Variants in KAZN observed in about 807,000 individuals in gnomAD.
KAZN encodes kazrin, periplakin interacting protein.
KAZN carries 40 observed loss-of-function variants against 87.4 expected under a neutral mutation model. That is an observed-to-expected ratio of 0.46 (90% confidence interval 0.36 to 0.60). KAZN has a LOEUF of 0.60. KAZN is among the 20% of genes least tolerant of loss of function. The pLI is 0.00. For missense variants in KAZN, 898 were observed against 1,073.9 expected, an observed-to-expected ratio of 0.84 and a Z score of 2.29; for synonymous variants, 466 against 458.3, an observed-to-expected ratio of 1.02 and a Z score of -0.22.
At chr1:14,117,102 AT>A (rs1218130076) in intron 1 of KAZN, among the ~76,000 whole-genome samples, 1 of 152,118 alleles carries the variant, frequency 6.6e-6, no homozygotes, top group Admixed American at 6.5e-5. Context: ...CGGACTGTGG[AT>A]TTTTAGTTAA....
At chr1:13,922,765 T>C (rs1241389250) in intron 1 of KAZN, among the ~76,000 whole-genome samples, 1 of 152,096 alleles carries the variant, frequency 6.6e-6, no homozygotes, top group Admixed American at 6.6e-5. Context: ...AGCTTTAGAG[T>C]CAGTGGTGGG....
chr1:13,924,224 A>T (rs1466962948), intron 1 of KAZN, among the ~76,000 whole-genome samples: 1 of 152,222 alleles, frequency 6.6e-6, no homozygotes, highest in African/African-American at 2.4e-5. Context: ...ATGTAAATGA[A>T]GGCTAAAAAC....
chr1:14,976,085 C>A (rs1421645291), intron 2 of KAZN, among the ~76,000 whole-genome samples: 2 of 151,646 alleles, frequency 1.3e-5, no homozygotes, highest in South Asian at 4.2e-4. Context: ...CTCAGACCTG[C>A]GCGGTGAGCC....
chr1:13,904,097 A>G (rs925631704), intron 1 of KAZN, among the ~76,000 whole-genome samples: 1 of 152,202 alleles, frequency 6.6e-6, no homozygotes, highest in Non-Finnish European at 1.5e-5. Context: ...ATCAGTGCTT[A>G]ACATGGAGCA....
At chr1:14,506,606 T>C (rs982308050) in intron 2 of KAZN, among the ~76,000 whole-genome samples, 7 of 152,194 alleles carry the variant, frequency 4.6e-5, no homozygotes, top group Non-Finnish European at 8.8e-5. Context: ...ATTATATTTA[T>C]CTGGGTGGCT....
At chr1:14,517,926 T>C (rs948757189) in intron 2 of KAZN, among the ~76,000 whole-genome samples, 4 of 152,108 alleles carry the variant, frequency 2.6e-5, no homozygotes, top group Admixed American at 2.6e-4. Context: ...CTGGGAACAA[T>C]GAGAAGGAAA....
intron 1 of KAZN, among the ~76,000 whole-genome samples, chr1:14,937,728 G>C (rs1308063427): frequency 6.6e-6 from 1 of 152,240 alleles, no homozygotes; most frequent in East Asian, 1.9e-4. Context: ...ACAGCAGCTG[G>C]TGTTTTGGGT....
chr1:14,456,222 C>A (rs1417504411), intron 2 of KAZN, among the ~76,000 whole-genome samples: 1 of 152,236 alleles, frequency 6.6e-6, no homozygotes, highest in Non-Finnish European at 1.5e-5. Context: ...TTATCTGACA[C>A]TTTCTGAGCA....
intron 1 of KAZN, among the ~76,000 whole-genome samples, chr1:14,040,258 A>C (rs1641757615): frequency 6.6e-6 from 1 of 152,132 alleles, no homozygotes; most frequent in African/African-American, 2.4e-5. Context: ...TTTCAGTTTG[A>C]AAACAGCTGA....
At chr1:13,980,694 C>T (rs1638618224) in intron 1 of KAZN, among the ~76,000 whole-genome samples, 2 of 152,076 alleles carry the variant, frequency 1.3e-5, no homozygotes, top group African/African-American at 4.8e-5. Context: ...AGATACTTCT[C>T]TCTGTAATCG....
At chr1:14,684,432 G>C (rs759155744) in intron 1 of KAZN, among the ~76,000 whole-genome samples, 2 of 152,168 alleles carry the variant, frequency 1.3e-5, no homozygotes, top group Non-Finnish European at 2.9e-5. Flanking sequence ...CATGATGCAA[G>C]GGTTGGTTGG....
intron 1 of KAZN, among the ~76,000 whole-genome samples, chr1:14,789,467 C>T (rs1645607710): frequency 6.6e-6 from 1 of 152,144 alleles, no homozygotes; most frequent in African/African-American, 2.4e-5. Context: ...GTGGCTGAAC[C>T]TTTGCTCCTC....
At chr1:14,144,585 G>A (rs771454302) in intron 1 of KAZN, among the ~76,000 whole-genome samples, 1 of 151,958 alleles carries the variant, frequency 6.6e-6, no homozygotes, top group Non-Finnish European at 1.5e-5. Context: ...TACCACACCC[G>A]GCCTTGTCTT....
At chr1:14,822,724 G>T (rs1326629663) in intron 1 of KAZN, among the ~76,000 whole-genome samples, 1 of 152,216 alleles carries the variant, frequency 6.6e-6, no homozygotes, top group Non-Finnish European at 1.5e-5. Context: ...GCTCCGTCGT[G>T]TTCCGGCATC....
At chr1:14,096,654 A>T (rs1644135442) in intron 1 of KAZN, among the ~76,000 whole-genome samples, 1 of 152,190 alleles carries the variant, frequency 6.6e-6, no homozygotes, top group Admixed American at 6.5e-5. Flanking sequence ...CAACCCTCAG[A>T]ATATAGGAGA....
intron 2 of KAZN, among the ~76,000 whole-genome samples, chr1:15,003,004 GTACACACA>G (rs1557705272): frequency 8.7e-6 from 1 of 114,968 alleles, no homozygotes; most frequent in Non-Finnish European, 1.8e-5. Flanking sequence ...AAAAATAAAC[GTACACACA>G]CACACACACA....
intron 1 of KAZN, among the ~76,000 whole-genome samples, chr1:14,010,919 G>A (rs1248589797): frequency 2.0e-5 from 3 of 152,176 alleles, no homozygotes; most frequent in African/African-American, 7.2e-5. Flanking sequence ...AAACTACCCT[G>A]TGATTCTCAC....
intron 1 of KAZN, among the ~76,000 whole-genome samples, chr1:14,164,685 C>T (rs527269418): frequency 1.4e-4 from 22 of 152,010 alleles, no homozygotes; most frequent in Admixed American, 9.2e-4. Flanking sequence ...GGATTATAGG[C>T]ATGCACCACC....
intron 1 of KAZN, among the ~76,000 whole-genome samples, chr1:14,069,930 G>A (rs914628491): frequency 1.3e-5 from 2 of 151,924 alleles, no homozygotes; most frequent in Non-Finnish European, 1.5e-5. Context: ...CAGCACTTTG[G>A]GAGGCTGAGG....
Sources: gnomAD v4.1 joint callset for allele counts (sites outside exome capture counted in the v4.1 genomes callset) on GRCh38, gnomAD v4.1.1 for gene constraint, MANE v1.5 for transcripts, NCBI Gene and HGNC (gene_info 2026-07-23, HGNC 2026-07-21) for gene names.